The following PRDM15 variants were observed in gnomAD, a reference collection of about 807,000 sequenced individuals.
PRDM15 encodes the protein PR domain zinc finger protein 15.
In PRDM15, 64 loss-of-function variants were observed where a neutral mutation model predicts 128.6. The observed-to-expected ratio is 0.50, with a 90% CI of 0.41 to 0.61. The LOEUF is 0.61. Ranked by LOEUF, PRDM15 falls within the 20% of genes least tolerant of loss-of-function variation. The pLI is 0.00. For synonymous variants in PRDM15, 615 were observed against 621.8 expected (o/e 0.99, Z 0.16); for missense variants, 1,242 against 1,569.1 (o/e 0.79, Z 3.52).
At chr21:41,845,347 C>T (rs530387444) in intron 6 of PRDM15, among the ~76,000 whole-genome samples, 27 of 146,018 alleles carry the variant, frequency 1.8e-4, no homozygotes, top group Non-Finnish European at 2.7e-4. Context: ...AGCCCCTCCC[C>T]GTTCACAGGC....
At chr21:41,805,160 C>T (rs2061523837) in intron 21 of PRDM15, among the ~76,000 whole-genome samples, 1 of 152,178 alleles carries the variant, frequency 6.6e-6, no homozygotes, top group South Asian at 2.1e-4. Context: ...CATGTGTCCA[C>T]AGGGGCCCTC....
chr21:41,823,965 G>C (rs1249020490), intron 13 of PRDM15, among the ~76,000 whole-genome samples: 1 of 152,224 alleles, frequency 6.6e-6, no homozygotes, highest in Non-Finnish European at 1.5e-5. Context: ...TCACCTCTGT[G>C]ACCAGGGCTG....
In PRDM15 at chr21:41,828,479, G is replaced by C; in HGVS notation, c.1367-146C>G. ...CGTGGCCAGGAAGAAAACAGCACCTGTGTGTCATACACTGTCTACCCCAGG... is the reference window on the plus strand; with the variant it reads ...CGTGGCCAGGAAGAAAACAGCACCTCTGTGTCATACACTGTCTACCCCAGG... On this transcript the variant is annotated intron_variant, in intron 11 of 23. Coordinates refer to ENST00000398548, the MANE Select transcript of PRDM15 (RefSeq NM_001040424.3). This position sits in a 1 kb window ranked among gnomAD's most constrained non-coding sequence, Gnocchi z 5.7. 1 of 795,122 alleles carries C rather than the reference G, an allele frequency of 1.3e-6. No homozygotes were observed. Among genetic ancestry groups the C allele is most frequent in the Admixed American group, 1.9e-5 (1 of 53,968 alleles). 49.3% of individuals were successfully genotyped at this position (795,122 alleles called of 1,614,324 possible). A position where few individuals can be genotyped will look rare whatever the true frequency, so the allele number is the denominator to read the frequency against.
intron 1 of PRDM15, chr21:41,874,915 G>T (rs1241068487): frequency 6.6e-6 from 1 of 152,240 alleles, no homozygotes; most frequent in Non-Finnish European, 1.5e-5. Flanking sequence ...AAGCAAGGAA[G>T]AGCTGAGCCG....
intron 6 of PRDM15, among the ~76,000 whole-genome samples, chr21:41,846,259 T>C (rs2063261718): frequency 6.6e-6 from 1 of 152,234 alleles, no homozygotes; most frequent in Admixed American, 6.5e-5. Flanking sequence ...ATGCGAGTCT[T>C]TCTTCACTAC....
At chr21:41,830,007 C>T (rs1279943342) in intron 11 of PRDM15, among the ~76,000 whole-genome samples, 2 of 151,688 alleles carry the variant, frequency 1.3e-5, no homozygotes, top group Non-Finnish European at 2.9e-5. Context: ...ACTACACAAA[C>T]ACACATACTC....
intron 4 of PRDM15, among the ~76,000 whole-genome samples, chr21:41,856,469 T>C (rs904508607): frequency 4.6e-5 from 7 of 151,674 alleles, no homozygotes; most frequent in Non-Finnish European, 8.8e-5. Flanking sequence ...TAAGAAAAGT[T>C]TGCTGACTAA....
At chr21:41,860,009 G>T (rs1034195018) in intron 2 of PRDM15, among the ~76,000 whole-genome samples, 2 of 152,104 alleles carry the variant, frequency 1.3e-5, no homozygotes, top group African/African-American at 4.8e-5. Flanking sequence ...CAAAGAATGA[G>T]CATAAATGAA....
chr21:41,823,286 A>C, intron 14 of PRDM15, 32 bp downstream of exon 14: 1 of 1,603,778 alleles, frequency 6.2e-7, no homozygotes, highest in Non-Finnish European at 8.5e-7. Context: ...TGCCGTGAGC[A>C]TGCCTGGGTG....
intron 6 of PRDM15, among the ~76,000 whole-genome samples, chr21:41,844,091 C>T (rs770433561): frequency 6.6e-6 from 1 of 152,036 alleles, no homozygotes; most frequent in Non-Finnish European, 1.5e-5. Flanking sequence ...CTTCAATAGC[C>T]CTTCCAACAC....
intron 7 of PRDM15, among the ~76,000 whole-genome samples, chr21:41,838,665 C>T (rs565929824): frequency 6.6e-5 from 10 of 152,336 alleles, no homozygotes; most frequent in Admixed American, 4.6e-4. Flanking sequence ...CGCTTTCCCC[C>T]GCCCCCATCT....
chr21:41,847,051 G>C, intron 6 of PRDM15, 39 bp downstream of exon 6: 4 of 1,335,096 alleles, frequency 3.0e-6, no homozygotes, highest in Non-Finnish European at 4.2e-6. Flanking sequence ...AATCGACACA[G>C]GAGTTTTACA....
chr21:41,869,971 C>T (rs1601483802), intron 1 of PRDM15, among the ~76,000 whole-genome samples: 1 of 152,324 alleles, frequency 6.6e-6, no homozygotes, highest in South Asian at 2.1e-4. Context: ...TCCAGCAGCA[C>T]CACGCTCGGC....
intron 16 of PRDM15, among the ~76,000 whole-genome samples, chr21:41,820,658 G>T (rs62216233): frequency 6.6e-6 from 1 of 152,304 alleles, no homozygotes; most frequent in East Asian, 1.9e-4. Context: ...AGGCTGTGCC[G>T]GCTGTGGTTC....
chr21:41,821,979 G>T lies in PRDM15; in HGVS notation c.1820C>A (p.Ser607Tyr). 1 of 1,614,216 alleles carries T rather than the reference G, an allele frequency of 6.2e-7. No homozygotes were observed. ...AGAATTGTCATCGTTTTCTTCCGAG[G>T]AGATCCCGATCTTGCCGATAAACTC... ...REEFIGKIGI[S>Y]SEENDDNSDE... Residue 607 changes from serine to tyrosine, a missense_variant, in exon 15 of 24, where the codon TCC becomes TAC. Around this residue, in one of 3 missense-constraint regions of PRDM15, gnomAD observed 602 missense variants for 788.3 expected, o/e 0.76. Transcript: ENST00000398548. The surrounding 1 kb of genome is among the most constrained non-coding windows in gnomAD (Gnocchi z 5.4).
At chr21:41,835,369 G>A (rs540042929) in intron 11 of PRDM15, 68 bp downstream of exon 11, 23 of 1,281,862 alleles carry the variant, frequency 1.8e-5, no homozygotes, top group East Asian at 1.2e-4. Context: ...AAAGTTCCAC[G>A]GTCTCCGCGG....
At chr21:41,806,424 CCAT>C (rs1568882838) in intron 21 of PRDM15, among the ~76,000 whole-genome samples, 10 of 42,226 alleles carry the variant, frequency 2.4e-4, no homozygotes, top group Middle Eastern at 0.015. Context: ...ACCACCACCA[CCAT>C]CACCACCACC....
At chr21:41,867,618 G>A (rs1433587546) in intron 1 of PRDM15, among the ~76,000 whole-genome samples, 1 of 152,134 alleles carries the variant, frequency 6.6e-6, no homozygotes, top group East Asian at 1.9e-4. Flanking sequence ...CCGTTTTGAG[G>A]ATTATTTATT....
chr21:41,844,655 T>C (rs565669769), intron 6 of PRDM15, among the ~76,000 whole-genome samples: 11 of 14,760 alleles, frequency 7.5e-4, no homozygotes, highest in East Asian at 4.4e-3. Context: ...GAGACACACA[T>C]ACACAGTCCC....
Sources: allele counts gnomAD v4.1 joint callset (sites outside exome capture counted in the v4.1 genomes callset), GRCh38; gene constraint gnomAD v4.1.1; regional missense constraint gnomAD v4.1.1; non-coding constraint Gnocchi (gnomAD v3.1); transcripts MANE v1.5; gene names NCBI Gene and HGNC (gene_info 2026-07-23, HGNC 2026-07-21).